SELENOP: variants seen among roughly 807,000 people sequenced by gnomAD.
SELENOP encodes the protein selenoprotein P, plasma, 1.
Under a neutral mutation model 41.0 loss-of-function variants are expected in SELENOP, and 36 were observed. The ratio of observed to expected loss-of-function variants is 0.88; its 90% CI spans 0.67 to 1.16. The LOEUF is 1.16. Among genes scored for constraint, SELENOP ranks in the 50% most tolerant of loss-of-function variants. The pLI, the probability that SELENOP is intolerant of heterozygous loss-of-function variation, is 0.00. For synonymous variants in SELENOP, 144 were observed against 150.8 expected (o/e 0.95, Z 0.33); for missense variants, 440 against 454.2 (o/e 0.97, Z 0.28).
At chr5:42,805,400 A>C (rs1302482042) in intron 3 of SELENOP, 1 of 152,182 alleles carries the variant, frequency 6.6e-6, no homozygotes, top group East Asian at 1.9e-4. Context: ...AAAAATTAGA[A>C]GTTTAAAGGC....
Position 42,806,938 on chromosome 5 carries a change from G to T in SELENOP, c.374C>A (p.Thr125Asn), listed in dbSNP as rs760001778. The change falls in exon 3 of 5, where the codon ACT (threonine) becomes AAT (asparagine). Residue 125 changes from threonine (T) to asparagine (N), a missense_variant. Coordinates refer to ENST00000514985, the MANE Select transcript of SELENOP (RefSeq NM_005410.4). ...QQEENQTDVW[T>N]LLNGSKDDFL... Reference sequence around the variant, plus strand: ...GTCATCTTTGCTTCCATTTAAAAGAGTCCAGACATCTGTTTGGTTTTCTTC... The same window carrying T: ...GTCATCTTTGCTTCCATTTAAAAGATTCCAGACATCTGTTTGGTTTTCTTC... 4.3e-6 allele frequency: 7 copies of T among 1,611,768 alleles called. No individual in the cohort carries two copies. Among genetic ancestry groups the T allele is most frequent in the Non-Finnish European group, 5.9e-6 (7 of 1,178,570 alleles).
rs28919896 is a variant in SELENOP, at chr5:42,806,884, GTA to G, written c.416+10_416+11del. ...TTTTAAATTTGGGATGTGTTTGTGTGTATGTACAAACCTATCATATATGAGGA... is the reference window on the plus strand; with the variant it reads ...TTTTAAATTTGGGATGTGTTTGTGTGTGTACAAACCTATCATATATGAGGA... On this transcript the variant is annotated intron_variant, in intron 3 of 4. Transcript: ENST00000514985. 6.7e-7 allele frequency: 1 copy of G among 1,490,916 alleles called. No individual in the cohort carries two copies. The highest frequency in any genetic ancestry group is 1.4e-5 in the African/African-American group (1 of 72,114). 92.4% of individuals were successfully genotyped at this position (1,490,916 alleles called of 1,614,324 possible). A position where few individuals can be genotyped will look rare whatever the true frequency, so the allele number is the denominator to read the frequency against.
At chr5:42,809,575 TA>T (rs1760416522) in intron 1 of SELENOP, among the ~76,000 whole-genome samples, 1 of 152,330 alleles carries the variant, frequency 6.6e-6, no homozygotes, top group Non-Finnish European at 1.5e-5. Context: ...TTGAAATTTT[TA>T]AAAGCAGATG....
intron 1 of SELENOP, among the ~76,000 whole-genome samples, chr5:42,809,472 AG>A (rs1334240467): frequency 1.3e-5 from 2 of 152,354 alleles, no homozygotes; most frequent in Non-Finnish European, 2.9e-5. Context: ...AATCCTCACA[AG>A]TAATTCAGGC....
intron 4 of SELENOP, among the ~76,000 whole-genome samples, chr5:42,804,321 A>C (rs751069901): frequency 6.6e-6 from 1 of 152,180 alleles, no homozygotes; most frequent in Middle Eastern, 3.4e-3. Flanking sequence ...ATTAGCTGGG[A>C]GTAGTGGCGG....
chr5:42,806,872 ATG>A, intron 3 of SELENOP, 22 bp downstream of exon 3: 2 of 1,338,474 alleles, frequency 1.5e-6, no homozygotes, highest in African/African-American at 2.9e-5. Context: ...TAAATTTGGG[ATG>A]TGTTTGTGTG....
intron 1 of SELENOP, among the ~76,000 whole-genome samples, chr5:42,809,458 G>A (rs918520993): frequency 8.5e-5 from 13 of 152,198 alleles, no homozygotes; most frequent in Admixed American, 8.5e-4. Flanking sequence ...GAGGAGCAAA[G>A]AAAAATCCTC....
At chr5:42,810,265 C>T (rs1579739447) in intron 1 of SELENOP, among the ~76,000 whole-genome samples, 1 of 152,062 alleles carries the variant, frequency 6.6e-6, no homozygotes, top group Non-Finnish European at 1.5e-5. Flanking sequence ...TAACTATAGC[C>T]GCCAACTATT....
chr5:42,802,825 G>A (rs1760241635), intron 4 of SELENOP, among the ~76,000 whole-genome samples: 1 of 152,142 alleles, frequency 6.6e-6, no homozygotes, highest in African/African-American at 2.4e-5. Flanking sequence ...TGGCCAGGAT[G>A]GTCTCGATCT....
intron 2 of SELENOP, chr5:42,807,358 A>T (rs1418106439): frequency 3.8e-6 from 1 of 261,740 alleles, no homozygotes; most frequent in African/African-American, 2.1e-5. Flanking sequence ...TAGCACGATG[A>T]AGTGTATATA....
Position 42,806,876 on chromosome 5 carries a change from G to T in SELENOP, c.416+20C>A. 1 of 1,423,270 alleles carries T rather than the reference G, an allele frequency of 7.0e-7. No homozygotes were observed. The highest frequency in any genetic ancestry group is 9.8e-7 in the Non-Finnish European group (1 of 1,020,046). The allele number at this position is 1,423,270 out of a possible 1,614,324, so 88.2% of individuals were successfully genotyped here. A position where few individuals can be genotyped will look rare whatever the true frequency, so the allele number is the denominator to read the frequency against. The stretch of plus-strand genomic sequence containing the variant: ...ACAGTTATTTTTAAATTTGGGATGT[G>T]TTTGTGTGTATGTACAAACCTATCA... On this transcript the variant is annotated intron_variant, in intron 3 of 4. Transcript: ENST00000514985.
chr5:42,811,349 C>A (rs1307752603), intron 1 of SELENOP, among the ~76,000 whole-genome samples: 1 of 152,182 alleles, frequency 6.6e-6, no homozygotes, highest in Non-Finnish European at 1.5e-5. Flanking sequence ...GTGGACTGAA[C>A]CTACTGTACC....
At chr5:42,801,511 A>G in intron 4 of SELENOP, 180 bp from the exon 5 acceptor site, 1 of 538,280 alleles carries the variant, frequency 1.9e-6, no homozygotes, top group East Asian at 3.0e-5. Flanking sequence ...ATTTTATTAA[A>G]GGCTTAAAAA....
chr5:42,806,848 G>A (rs368333189), intron 3 of SELENOP, 48 bp downstream of exon 3: 100 of 1,086,170 alleles, frequency 9.2e-5, no homozygotes, highest in African/African-American at 5.3e-4. Flanking sequence ...AAATAGATAC[G>A]AAACAGTTAT....
At chr5:42,809,703 G>T in intron 1 of SELENOP, 1 of 563,586 alleles carries the variant, frequency 1.8e-6, no homozygotes, top group Non-Finnish European at 2.2e-6. Flanking sequence ...GGTAGATATA[G>T]ATAGAATTTT....
chr5:42,808,258 TG>T lies in SELENOP; in HGVS notation c.95del (p.Pro32GlnfsTer5). 1 of 1,573,390 alleles carries T rather than the reference TG, an allele frequency of 6.4e-7. No individual in the cohort carries two copies. ...GATCTTGATCTCTTATGCTCCAGGC[TG>T]GGGGTTGCTTACATAAGGAGCTTTG... Reference protein sequence around the residue: ...QDQSSLCKQPPAWSIRDQDPM... With the variant: ...QDQSSLCKQPXAWSIRDQDPM... On this transcript the variant is annotated frameshift_variant, in exon 2 of 5. Transcript: ENST00000514985. LOFTEE classifies it high-confidence loss of function.
chr5:42,806,290 C>T lies in SELENOP; in HGVS notation c.416+606G>A, dbSNP rs1484747710. On this transcript the variant is annotated intron_variant, in intron 3 of 4. Transcript: ENST00000514985. Reference sequence around the variant, plus strand: ...TGCCCTAGTGGTTGGCTGCATCTGCCTCCAATAGGTTGTATATAAAAATCA... The same window carrying T: ...TGCCCTAGTGGTTGGCTGCATCTGCTTCCAATAGGTTGTATATAAAAATCA... 3 of 152,196 alleles carry T rather than the reference C, an allele frequency of 2.0e-5. No homozygotes were observed. In the East Asian group the frequency reaches 5.8e-4, roughly 29 times the overall value. The allele number at this position is 152,196 out of a possible 1,614,324, so 9.4% of individuals were successfully genotyped here. A position where few individuals can be genotyped will look rare whatever the true frequency, so the allele number is the denominator to read the frequency against.
At chr5:42,803,202 T>C (rs1412878030) in intron 4 of SELENOP, among the ~76,000 whole-genome samples, 1 of 152,214 alleles carries the variant, frequency 6.6e-6, no homozygotes, top group Non-Finnish European at 1.5e-5. Context: ...TCACACATTT[T>C]AAGCATATTG....
chr5:42,804,852 A>G (rs1760298015), intron 3 of SELENOP, 79 bp from the exon 4 acceptor site: 2 of 911,346 alleles, frequency 2.2e-6, no homozygotes, highest in African/African-American at 3.4e-5. Context: ...TGGGATAGGT[A>G]TTATAGGTTT....
Sources: gnomAD v4.1 joint callset for allele counts (sites outside exome capture counted in the v4.1 genomes callset) on GRCh38, gnomAD v4.1.1 for gene constraint, MANE v1.5 for transcripts, NCBI Gene and HGNC (gene_info 2026-07-23, HGNC 2026-07-21) for gene names.